Variants in IL17RA observed in about 807,000 individuals in gnomAD.
IL17RA encodes interleukin-17 receptor A.
IL17RA carries 34 observed loss-of-function variants against 50.4 expected under a neutral mutation model. That is an observed-to-expected ratio of 0.67 (90% CI 0.51 to 0.90). The LOEUF (loss-of-function observed/expected upper bound fraction) is 0.90, where lower values mean the gene tolerates loss of function less well. IL17RA is among the 40% of genes least tolerant of loss of function. IL17RA has a pLI of 0.00. For missense variants in IL17RA, 1,276 were observed against 1,169.8 expected (o/e 1.09, Z -1.32); for synonymous variants, 585 against 510.4 (o/e 1.15, Z -1.97).
At position 17,094,671 on chromosome 22, in the gene IL17RA, C is replaced by CTATATATATATATATATGTGTA. The variant is rs1568917407; in HGVS notation, c.139-2390_139-2389insATATATATATATATATGTGTAT. On this transcript the variant is annotated intron_variant, in intron 1 of 12. Transcript: ENST00000319363. ...TCATACACACACTCTCTCTCTCTCTCTCTCTCTCTCTCTCTCTCTCTATAT... is the reference window on the plus strand; with the variant it reads ...TCATACACACACTCTCTCTCTCTCTCTATATATATATATATATGTGTATCTCTCTCTCTCTCTCTCTCTATAT... Among the ~76,000 whole-genome samples the CTATATATATATATATATGTGTA allele has an allele frequency of 1.8e-3, 75 of 40,758 alleles. 4 individuals carry two copies. Among genetic ancestry groups the CTATATATATATATATATGTGTA allele is most frequent in the South Asian group, 3.5e-3 (5 of 1,414 alleles). The allele number at this position is 40,758 out of a possible 152,430, so 26.7% of individuals were successfully genotyped here.
intron 7 of IL17RA, among the ~76,000 whole-genome samples, chr22:17,102,946 A>C (rs143997630): frequency 1.6e-4 from 25 of 152,362 alleles, no homozygotes; most frequent in African/African-American, 5.8e-4. Context: ...GTTCGAGACC[A>C]GCCTGACCAA....
chr22:17,105,724 G>GA (rs200937197), intron 10 of IL17RA, 122 bp downstream of exon 10: 12 of 1,386,460 alleles, frequency 8.7e-6, no homozygotes, highest in South Asian at 8.1e-5. Flanking sequence ...CCGGGGTGGG[G>GA]GGTGAGACCA....
chr22:17,104,380 C>A (rs1444262238), intron 8 of IL17RA, among the ~76,000 whole-genome samples: 1 of 147,016 alleles, frequency 6.8e-6, no homozygotes, highest in Admixed American at 6.8e-5. Context: ...GAGTGGGGAG[C>A]GTGCACAGGT....
intron 5 of IL17RA, among the ~76,000 whole-genome samples, chr22:17,101,132 C>T (rs774718014): frequency 4.6e-5 from 7 of 152,168 alleles, no homozygotes; most frequent in Non-Finnish European, 1.0e-4. Flanking sequence ...TAGCTCAATG[C>T]AGCCTCGAAC....
At chr22:17,097,564 G>A in intron 2 of IL17RA, 1 of 592,896 alleles carries the variant, frequency 1.7e-6, no homozygotes, top group African/African-American at 1.9e-5. Context: ...ATCAACTTGT[G>A]TACTTTGTCT....
In IL17RA at chr22:17,111,629, C is replaced by G. The variant is rs192550852; in HGVS notation, c.*1809C>G. On this transcript the variant is annotated 3_prime_UTR_variant, in exon 13 of 13. Coordinates refer to ENST00000319363, the MANE Select transcript of IL17RA (RefSeq NM_014339.7). ...CCGTCTGACACTGGAATAGGGTGCC[C>G]TTCATTCCTATGCCTGAGTCCTTAA... 6.6e-6 allele frequency: 1 copy of G among 152,252 alleles called. No homozygotes were observed. Among genetic ancestry groups the G allele is most frequent in the Admixed American group, 6.5e-5 (1 of 15,290 alleles). The allele number at this position is 152,252 out of a possible 1,614,324, so 9.4% of individuals were successfully genotyped here.
intron 11 of IL17RA, among the ~76,000 whole-genome samples, chr22:17,106,594 G>A (rs1213203326): frequency 1.3e-5 from 2 of 152,242 alleles, no homozygotes; most frequent in Non-Finnish European, 2.9e-5. Flanking sequence ...CAAGTCCTAA[G>A]CCGGGAGAAC....
At chr22:17,107,894 A>C in intron 12 of IL17RA, 126 bp downstream of exon 12, 2 of 827,118 alleles carry the variant, frequency 2.4e-6, no homozygotes, top group Non-Finnish European at 4.1e-6. Context: ...CACCTTAGAA[A>C]CCCCCTTCCA....
chr22:17,107,917 G>A, intron 12 of IL17RA, 149 bp downstream of exon 12: 1 of 730,738 alleles, frequency 1.4e-6, no homozygotes, highest in Non-Finnish European at 2.4e-6. Context: ...ACCCCACTCA[G>A]AAGGGCCCCC....
chr22:17,100,106 T>C (rs191834115), intron 4 of IL17RA, among the ~76,000 whole-genome samples: 177 of 148,076 alleles, frequency 1.2e-3, no homozygotes, highest in Admixed American at 2.5e-3. Flanking sequence ...TCTTTTGCCT[T>C]ATTCACTGTC....
At chr22:17,092,158 C>T (rs1352533640) in intron 1 of IL17RA, among the ~76,000 whole-genome samples, 1 of 152,148 alleles carries the variant, frequency 6.6e-6, no homozygotes, top group African/African-American at 2.4e-5. Flanking sequence ...CACATGAAGC[C>T]TCCATAAAAA....
chr22:17,099,279 A>T (rs1601342157), intron 4 of IL17RA, among the ~76,000 whole-genome samples: 2 of 152,214 alleles, frequency 1.3e-5, no homozygotes, highest in African/African-American at 4.8e-5. Flanking sequence ...CTTCAGGAAG[A>T]AAAAACCGCC....
chr22:17,097,230 T>G (rs1478584457), intron 2 of IL17RA, 144 bp downstream of exon 2: 9 of 766,206 alleles, frequency 1.2e-5, no homozygotes, highest in Non-Finnish European at 2.1e-5. Context: ...CCCGGAGAAT[T>G]GTGGATGCGT....
At position 17,100,601 on chromosome 22, in the gene IL17RA, G is replaced by A. The variant is rs1256942583; in HGVS notation, c.550+120G>A. ...CATTGGCTGGCATTGCCAGCACCTG[G>A]GACCCACAGAACAAACAGAGGCCAA... On this transcript the variant is annotated intron_variant, in intron 5 of 12. Coordinates refer to ENST00000319363, the MANE Select transcript of IL17RA (RefSeq NM_014339.7). 5 of 1,310,876 alleles carry A rather than the reference G, an allele frequency of 3.8e-6. No individual in the cohort carries two copies. The Admixed American group carries it at 5.2e-5, about 14-fold the overall frequency. 81.2% of individuals were successfully genotyped at this position (1,310,876 alleles called of 1,614,324 possible).
intron 1 of IL17RA, among the ~76,000 whole-genome samples, chr22:17,089,742 G>A (rs980551658): frequency 3.3e-5 from 5 of 152,062 alleles, no homozygotes; most frequent in African/African-American, 4.8e-5. Context: ...GTGTGGTGGC[G>A]CATGTCTCTA....
chr22:17,089,610 C>T (rs746987983), intron 1 of IL17RA, among the ~76,000 whole-genome samples: 10 of 152,150 alleles, frequency 6.6e-5, no homozygotes, highest in Non-Finnish European at 1.5e-4. Flanking sequence ...AGTGGCCCCA[C>T]GCCTGTAATC....
In IL17RA at chr22:17,094,671, C is replaced by CTATATATATATATATATGTGTATATATA. The variant is rs1568917407; in HGVS notation, c.139-2390_139-2389insATATATATATATATATGTGTATATATAT. On this transcript the variant is annotated intron_variant, in intron 1 of 12. Transcript: ENST00000319363. ...TCATACACACACTCTCTCTCTCTCT[C>CTATATATATATATATATGTGTATATATA]TCTCTCTCTCTCTCTCTCTCTATAT... 6.9e-4 allele frequency among the ~76,000 whole-genome samples: 28 copies of CTATATATATATATATATGTGTATATATA among 40,762 alleles called. 1 individual carries two copies. Among genetic ancestry groups the CTATATATATATATATATGTGTATATATA allele is most frequent in the Non-Finnish European group, 1.1e-3 (22 of 20,090 alleles). The allele number at this position is 40,762 out of a possible 152,430, so 26.7% of individuals were successfully genotyped here.
At chr22:17,104,897 G>C in intron 9 of IL17RA, 87 bp downstream of exon 9, 23 of 1,275,236 alleles carry the variant, frequency 1.8e-5, no homozygotes, top group Non-Finnish European at 2.6e-5. Flanking sequence ...ACCTGGTTCT[G>C]AGGGGTGATT....
intron 1 of IL17RA, among the ~76,000 whole-genome samples, chr22:17,089,037 C>T (rs188460068): frequency 7.9e-5 from 12 of 152,222 alleles, no homozygotes; most frequent in African/African-American, 2.2e-4. Flanking sequence ...TTCAAATGAT[C>T]TACCTGCCTC....
Sources: gnomAD v4.1 joint callset for allele counts (sites outside exome capture counted in the v4.1 genomes callset) on GRCh38, gnomAD v4.1.1 for gene constraint, MANE v1.5 for transcripts, NCBI Gene and HGNC (gene_info 2026-07-23, HGNC 2026-07-21) for gene names.